Variants in ABI3BP observed in about 807,000 individuals in gnomAD.
ABI3BP encodes target of Nesh-SH3.
In ABI3BP, 216 loss-of-function variants were observed where a neutral mutation model predicts 268.6. That is an observed-to-expected ratio of 0.80 (90% CI 0.72 to 0.90). The LOEUF (loss-of-function observed/expected upper bound fraction) is 0.90, where lower values mean the gene tolerates loss of function less well. Ranked by LOEUF, ABI3BP falls within the 40% of genes least tolerant of loss-of-function variation. The probability of loss-of-function intolerance (pLI) is 0.00; values close to 1 mark genes in which losing one functional copy is unlikely to be tolerated. For missense variants in ABI3BP, 2,090 were observed against 2,182.4 expected, an observed-to-expected ratio of 0.96 and a Z score of 0.84; for synonymous variants, 730 against 730.0, an observed-to-expected ratio of 1.00 and a Z score of 0.00.
intron 20 of ABI3BP, chr3:100,844,459 A>C (rs1279147048): frequency 3.0e-6 from 3 of 985,282 alleles, no homozygotes; most frequent in Non-Finnish European, 3.6e-6. Context: ...ACCACCAAGC[A>C]AAGCCAAAGG....
intron 2 of ABI3BP, among the ~76,000 whole-genome samples, chr3:100,921,226 T>A (rs1196131932): frequency 1.3e-5 from 2 of 152,208 alleles, no homozygotes; most frequent in Non-Finnish European, 2.9e-5. Context: ...TCAGAATTTG[T>A]CATAGTGAAC....
intron 12 of ABI3BP, chr3:100,863,749 C>A (rs1039163660): frequency 9.4e-6 from 4 of 423,352 alleles, no homozygotes; most frequent in Non-Finnish European, 1.7e-5. Flanking sequence ...CAGAAATGAT[C>A]AATTTGTTCA....
intron 1 of ABI3BP, among the ~76,000 whole-genome samples, chr3:100,979,097 A>G (rs2087839358): frequency 6.6e-6 from 1 of 152,202 alleles, no homozygotes. Flanking sequence ...CTGAGTCAGA[A>G]ACTCTGGGGA....
Position 100,832,257 on chromosome 3 carries a change from T to G in ABI3BP, c.2401+7A>C. Reference sequence around the variant, plus strand: ...TGGATTCTACAAAACAGAAACTACATATTTACCCAGTTTAGTTTGAGGTAC... The same window carrying G: ...TGGATTCTACAAAACAGAAACTACAGATTTACCCAGTTTAGTTTGAGGTAC... On this transcript the variant is annotated splice_region_variant and intron_variant, in intron 31 of 67. Transcript: ENST00000471714. 1 of 1,534,856 alleles carries G rather than the reference T, an allele frequency of 6.5e-7. No individual in the cohort carries two copies. Among genetic ancestry groups the G allele is most frequent in the Non-Finnish European group, 8.7e-7 (1 of 1,145,932 alleles).
In ABI3BP at chr3:100,886,244, C is replaced by T. The variant is rs1182187998; in HGVS notation, c.541G>A (p.Val181Met). Reference protein sequence around the residue: ...FQICPATETIVENLKPNTVYE... With the variant: ...FQICPATETIMENLKPNTVYE... Reference sequence around the variant, plus strand: ...ACTGTGTTGGGCTTTAGGTTTTCCACAATTGTTTCAGTGGCTGGACAGATT... The same window carrying T: ...ACTGTGTTGGGCTTTAGGTTTTCCATAATTGTTTCAGTGGCTGGACAGATT... Residue 181 changes from valine to methionine, a missense_variant, in exon 5 of 68, where the codon GTG (valine) becomes ATG (methionine). Coordinates refer to ENST00000471714, the MANE Select transcript of ABI3BP (RefSeq NM_001375547.2). 7 of 1,610,940 alleles carry T rather than the reference C, an allele frequency of 4.3e-6. 1 individual carries two copies. In the South Asian group the frequency reaches 6.6e-5, roughly 15 times the overall value.
chr3:100,866,927 C>T lies in ABI3BP; in HGVS notation c.940G>A (p.Glu314Lys), dbSNP rs756545296. 20 of 1,613,640 alleles carry T rather than the reference C, an allele frequency of 1.2e-5. No individual in the cohort carries two copies. Among genetic ancestry groups the T allele is most frequent in the East Asian group, 4.5e-5 (2 of 44,866 alleles). Residue 314 changes from glutamate (E) to lysine (K), a missense_variant, in exon 10 of 68, where the codon GAA (glutamate) becomes AAA (lysine). Physicochemically the swap from Glu to Lys is moderately conservative, Grantham distance 56. Coordinates refer to ENST00000471714, the MANE Select transcript of ABI3BP (RefSeq NM_001375547.2). Reference protein sequence around the residue: ...AKNETLALPAESKTPEVEKIS... With the variant: ...AKNETLALPAKSKTPEVEKIS... The stretch of plus-strand genomic sequence containing the variant: ...TTTTCAACCTCTGGTGTTTTAGATT[C>T]GGCAGGTAATGCCAAGGTTTCATTC...
At chr3:100,894,952 A>AAAAAAAAAAAAACAAAAC (rs1561384056) in intron 4 of ABI3BP, among the ~76,000 whole-genome samples, 1 of 111,624 alleles carries the variant, frequency 9.0e-6, no homozygotes, top group Non-Finnish European at 2.3e-5. Flanking sequence ...AAAAAAAAAA[A>AAAAAAAAAAAAACAAAAC]AAAAAAAAAA....
At chr3:100,981,396 A>C (rs890840553) in intron 1 of ABI3BP, among the ~76,000 whole-genome samples, 1 of 152,166 alleles carries the variant, frequency 6.6e-6, no homozygotes, top group Admixed American at 6.5e-5. Flanking sequence ...GAAGACTCTC[A>C]TCATGTTGAG....
chr3:100,859,540 G>A (rs2098974351), intron 14 of ABI3BP, among the ~76,000 whole-genome samples: 1 of 152,130 alleles, frequency 6.6e-6, no homozygotes, highest in African/African-American at 2.4e-5. Context: ...TACCTATTAT[G>A]TATGTTGAAA....
intron 3 of ABI3BP, 57 bp from the exon 4 acceptor site, chr3:100,898,951 T>C: frequency 6.6e-7 from 1 of 1,518,884 alleles, no homozygotes; most frequent in Admixed American, 2.2e-5. Context: ...GTTGCCATGA[T>C]TCGGGTAAAA....
Position 100,821,672 on chromosome 3 carries a change from G to A in ABI3BP, c.2888-559C>T, listed in dbSNP as rs184908042. On this transcript the variant is annotated intron_variant, in intron 38 of 67. Coordinates refer to ENST00000471714, the MANE Select transcript of ABI3BP (RefSeq NM_001375547.2). The stretch of plus-strand genomic sequence containing the variant: ...GGCTGGAGTGCAGTGGCGCGATCTC[G>A]GCTCACTGCAACCTCCACCTCCTGG... 4.8e-3 allele frequency among the ~76,000 whole-genome samples: 703 copies of A among 145,628 alleles called. 5 individuals carry two copies. The highest frequency in any genetic ancestry group is 9.8e-3 in the Admixed American group (137 of 14,012).
chr3:100,847,592 T>A lies in ABI3BP; in HGVS notation c.1648+10A>T. The A allele has an allele frequency of 6.2e-7, 1 of 1,602,692 alleles. No homozygotes were observed. Among genetic ancestry groups the A allele is most frequent in the Non-Finnish European group, 8.5e-7 (1 of 1,169,714 alleles). ...AAGCAACACATCTACTAAGGACATATCATTATTACCCGGTGTTGTCCATGT... is the reference window on the plus strand; with the variant it reads ...AAGCAACACATCTACTAAGGACATAACATTATTACCCGGTGTTGTCCATGT... On this transcript the variant is annotated intron_variant, in intron 19 of 67. Transcript: ENST00000471714.
intron 61 of ABI3BP, among the ~76,000 whole-genome samples, chr3:100,774,398 G>A (rs1157979035): frequency 6.6e-6 from 1 of 152,154 alleles, no homozygotes; most frequent in Non-Finnish European, 1.5e-5. Flanking sequence ...AGGCCTAGCT[G>A]TACCTGCTGC....
chr3:100,814,944 G>A (rs1261789881), intron 44 of ABI3BP, among the ~76,000 whole-genome samples: 4 of 152,108 alleles, frequency 2.6e-5, no homozygotes, highest in Admixed American at 2.6e-4. Context: ...CACTGTAAGT[G>A]CCTTTTCTCT....
chr3:100,894,937 TCAA>T (rs2153456540), intron 4 of ABI3BP, among the ~76,000 whole-genome samples: 1 of 6,668 alleles, frequency 1.5e-4, no homozygotes, highest in East Asian at 2.3e-3. Flanking sequence ...GGATTCCGCT[TCAA>T]AAAAAAAAAA....
chr3:100,873,463 G>A (rs2099130404), intron 9 of ABI3BP, among the ~76,000 whole-genome samples: 1 of 152,084 alleles, frequency 6.6e-6, no homozygotes, highest in Non-Finnish European at 1.5e-5. Context: ...AGAGTTATTG[G>A]CTTGTGGGAT....
rs1225954292 is a variant in ABI3BP, at chr3:100,820,202, C to T, written c.3031+18G>A. On this transcript the variant is annotated intron_variant, in intron 40 of 67. Coordinates refer to ENST00000471714, the MANE Select transcript of ABI3BP (RefSeq NM_001375547.2). ...GAGCAGCTAGGATGAGCTACTTTAA[C>T]CAGAAACCCAAATTTACCCAGTTTG... 1.3e-6 allele frequency: 2 copies of T among 1,532,290 alleles called. No homozygotes were observed. Among genetic ancestry groups the T allele is most frequent in the East Asian group, 2.4e-5 (1 of 40,870 alleles). The allele number at this position is 1,532,290 out of a possible 1,614,324, so 94.9% of individuals were successfully genotyped here. A position where few individuals can be genotyped will look rare whatever the true frequency, so the allele number is the denominator to read the frequency against.
chr3:100,920,572 G>A (rs543921831), intron 2 of ABI3BP, among the ~76,000 whole-genome samples: 3 of 151,926 alleles, frequency 2.0e-5, no homozygotes, highest in South Asian at 4.2e-4. Context: ...ACAGGCACCC[G>A]CCCCCATGCC....
chr3:100,820,908 A>G (rs2098199073), intron 39 of ABI3BP, 146 bp downstream of exon 39: 2 of 723,174 alleles, frequency 2.8e-6, no homozygotes, highest in Non-Finnish European at 4.4e-6. Flanking sequence ...AGAATTTTCA[A>G]TACTTTTAGG....
Sources: allele counts gnomAD v4.1 joint callset (sites outside exome capture counted in the v4.1 genomes callset), GRCh38; gene constraint gnomAD v4.1.1; transcripts MANE v1.5; gene names NCBI Gene and HGNC (gene_info 2026-07-23, HGNC 2026-07-21).